The following PUS10 variants were observed in gnomAD, a reference collection of about 807,000 sequenced individuals.
PUS10 encodes pseudouridine synthase 10.
Under a neutral mutation model 75.0 loss-of-function variants are expected in PUS10, and 59 were observed. That is an observed-to-expected ratio of 0.79 (90% confidence interval 0.64 to 0.98). The LOEUF (loss-of-function observed/expected upper bound fraction) is 0.98. PUS10 is among the 50% of genes least tolerant of loss of function. PUS10 has a pLI of 0.00. For missense variants in PUS10, 650 were observed against 614.4 expected (o/e 1.06, Z -0.61); for synonymous variants, 219 against 211.6 (o/e 1.03, Z -0.30).
In PUS10 at chr2:60,961,456, A is replaced by G; in HGVS notation, c.874+7T>C. The G allele has an allele frequency of 1.9e-6, 3 of 1,610,024 alleles. No individual in the cohort carries two copies. Among genetic ancestry groups the G allele is most frequent in the Non-Finnish European group, 2.6e-6 (3 of 1,176,314 alleles). On this transcript the variant is annotated splice_region_variant and intron_variant, in intron 10 of 17. Transcript: ENST00000316752. The stretch of plus-strand genomic sequence containing the variant: ...AGTGTATGTATATTCTAGACTAAAT[A>G]TTTTACCAGCCACAAAAACAGCACC...
intron 4 of PUS10, among the ~76,000 whole-genome samples, chr2:60,972,269 C>A (rs1676734473): frequency 6.7e-6 from 1 of 150,074 alleles, no homozygotes; most frequent in East Asian, 2.0e-4. Context: ...CGAGACCATC[C>A]TGGCTAACAC....
intron 4 of PUS10, among the ~76,000 whole-genome samples, chr2:60,986,309 G>T (rs1341215712): frequency 1.3e-5 from 2 of 152,114 alleles, no homozygotes; most frequent in Non-Finnish European, 2.9e-5. Flanking sequence ...GTTACCACAT[G>T]CATTTGAATG....
At chr2:60,961,608 T>C (rs1676032814) in intron 9 of PUS10, 60 bp from the exon 10 acceptor site, 2 of 1,400,988 alleles carry the variant, frequency 1.4e-6, no homozygotes, top group Admixed American at 1.7e-5. Flanking sequence ...TCACAAAACT[T>C]AGATGAATCA....
At chr2:60,948,012 G>A (rs774107055) in intron 16 of PUS10, 31 bp downstream of exon 16, 4 of 1,613,214 alleles carry the variant, frequency 2.5e-6, no homozygotes, top group Non-Finnish European at 2.5e-6. Flanking sequence ...GTTCTGGTTC[G>A]ATGGCGGCAG....
intron 1 of PUS10, among the ~76,000 whole-genome samples, chr2:61,012,867 A>AATATATATATATATATAT (rs1559006783): frequency 7.2e-5 from 2 of 27,742 alleles, no homozygotes; most frequent in African/African-American, 1.8e-4. Flanking sequence ...AAAAAAAAAA[A>AATATATATATATATATAT]ATATATATAT....
chr2:61,017,761 T>C (rs1484494425), intron 1 of PUS10: 17 of 1,549,102 alleles, frequency 1.1e-5, no homozygotes, highest in Non-Finnish European at 1.3e-5. Context: ...GCGGAGGAGA[T>C]GGCGTCCCAG....
At chr2:60,997,734 G>A (rs745502861) in intron 4 of PUS10, among the ~76,000 whole-genome samples, 3 of 151,798 alleles carry the variant, frequency 2.0e-5, no homozygotes, top group Non-Finnish European at 4.4e-5. Flanking sequence ...TTATGCTGTA[G>A]AAGTTTAAAG....
chr2:61,014,742 A>G (rs1272063930), intron 1 of PUS10, among the ~76,000 whole-genome samples: 4 of 152,178 alleles, frequency 2.6e-5, no homozygotes, highest in Non-Finnish European at 5.9e-5. Flanking sequence ...TAATTTGTGC[A>G]GTTTCATAAT....
chr2:60,982,397 G>C (rs886074167), intron 4 of PUS10, among the ~76,000 whole-genome samples: 1 of 152,006 alleles, frequency 6.6e-6, no homozygotes, highest in African/African-American at 2.4e-5. Flanking sequence ...CGAGTAGCTG[G>C]GATTACAGGT....
intron 8 of PUS10, among the ~76,000 whole-genome samples, chr2:60,964,477 C>G (rs191505118): frequency 1.3e-5 from 2 of 152,082 alleles, no homozygotes; most frequent in African/African-American, 4.8e-5. Context: ...TGACATGATA[C>G]GAGCTAAGAG....
chr2:60,998,534 C>T (rs1336108713), intron 4 of PUS10, among the ~76,000 whole-genome samples: 1 of 151,950 alleles, frequency 6.6e-6, no homozygotes, highest in Non-Finnish European at 1.5e-5. Flanking sequence ...ACTAAAAATA[C>T]AAAAATTAGC....
At chr2:61,001,788 T>C (rs1458382789) in intron 4 of PUS10, among the ~76,000 whole-genome samples, 4 of 152,216 alleles carry the variant, frequency 2.6e-5, no homozygotes, top group Admixed American at 2.6e-4. Flanking sequence ...TACTTCTTCA[T>C]TCAGATGTAT....
At chr2:60,946,234 A>G (rs1674936286) in intron 16 of PUS10, among the ~76,000 whole-genome samples, 1 of 152,200 alleles carries the variant, frequency 6.6e-6, no homozygotes, top group South Asian at 2.1e-4. Flanking sequence ...CTTATTCCTA[A>G]CCAGAGGGAC....
intron 4 of PUS10, among the ~76,000 whole-genome samples, chr2:60,982,646 T>C (rs549385146): frequency 2.6e-5 from 4 of 152,318 alleles, no homozygotes; most frequent in African/African-American, 9.6e-5. Context: ...ATTTTATAAG[T>C]GAATTTAACA....
intron 15 of PUS10, among the ~76,000 whole-genome samples, chr2:60,948,988 C>T (rs769042436): frequency 2.6e-5 from 4 of 151,914 alleles, no homozygotes; most frequent in Admixed American, 6.6e-5. Flanking sequence ...TCTTGAGTGC[C>T]GGAAGGCCTG....
rs537710197 is a variant in PUS10 at position 60,949,331 on chromosome 2, T to C, written c.1309-1146A>G. ...TTTAGAGAAACAGCAGGCCTTTAAA[T>C]TAACAACTATCTATGGAGTCCTCTC... is the stretch of plus-strand genomic sequence containing the variant. On this transcript the variant is annotated intron_variant, in intron 15 of 17. Transcript: ENST00000316752. 2.0e-5 allele frequency among the ~76,000 whole-genome samples: 3 copies of C among 152,302 alleles called. No homozygotes were observed. In the South Asian group the frequency reaches 6.2e-4, roughly 32 times the overall value.
intron 11 of PUS10, among the ~76,000 whole-genome samples, chr2:60,956,314 A>T (rs1302723474): frequency 1.3e-5 from 2 of 152,196 alleles, no homozygotes; most frequent in East Asian, 3.8e-4. Context: ...GGATGGCCAT[A>T]GTTCAATGGT....
intron 4 of PUS10, among the ~76,000 whole-genome samples, chr2:60,979,414 C>T (rs1677244444): frequency 1.3e-5 from 2 of 152,162 alleles, no homozygotes. Context: ...ACATCTGCCT[C>T]TCCTTGTGTC....
At chr2:61,011,021 A>G in intron 2 of PUS10, 1 of 1,243,294 alleles carries the variant, frequency 8.0e-7, no homozygotes, top group Non-Finnish European at 1.1e-6. Context: ...ACAACTAATA[A>G]CATTTTAAAA....
Sources: gnomAD v4.1 joint callset for allele counts (sites outside exome capture counted in the v4.1 genomes callset) on GRCh38, gnomAD v4.1.1 for gene constraint, MANE v1.5 for transcripts, NCBI Gene and HGNC (gene_info 2026-07-23, HGNC 2026-07-21) for gene names.